Variants in ABL1 observed in about 807,000 individuals in gnomAD.
The protein encoded by ABL1 is ABL proto-oncogene 1, non-receptor tyrosine kinase, also known as tyrosine-protein kinase ABL1.
In ABL1, 11 loss-of-function variants were observed where a neutral mutation model predicts 94.7. The ratio of observed to expected loss-of-function variants is 0.12; its 90% CI spans 0.07 to 0.19. ABL1 has a LOEUF of 0.19. Among genes scored for constraint, ABL1 ranks in the 10% least tolerant of loss-of-function variants. ABL1 has a pLI of 1.00. For synonymous variants in ABL1, 656 were observed against 622.4 expected, an observed-to-expected ratio of 1.05 and a Z score of -0.80; for missense variants, 1,082 against 1,489.4, an observed-to-expected ratio of 0.73 and a Z score of 4.50.
Position 130,885,731 on chromosome 9 carries a change from C to G in ABL1, c.*48C>G, listed in dbSNP as rs1207638467. 1 of 1,567,414 alleles carries G rather than the reference C, an allele frequency of 6.4e-7. No homozygotes were observed. Among genetic ancestry groups the G allele is most frequent in the Non-Finnish European group, 8.6e-7 (1 of 1,156,620 alleles). ...AGGCCCGTCGGAGCTGCCTGCAGCA[C>G]ATGCGGGCTCGCCCATACCCGTGAC... On this transcript the variant is annotated 3_prime_UTR_variant, in exon 11 of 11. Coordinates refer to ENST00000318560, the MANE Select transcript of ABL1 (RefSeq NM_005157.6).
chr9:130,798,409 G>A (rs1281417850), intron 1 of ABL1, among the ~76,000 whole-genome samples: 3 of 152,148 alleles, frequency 2.0e-5, no homozygotes, highest in African/African-American at 4.8e-5. Flanking sequence ...ATTAAGTATC[G>A]CTTGCAGTGG....
At chr9:130,876,892 A>G (rs938229368) in intron 7 of ABL1, among the ~76,000 whole-genome samples, 1 of 146,452 alleles carries the variant, frequency 6.8e-6, no homozygotes, top group Admixed American at 6.8e-5. Flanking sequence ...GCCCGCCGCC[A>G]CACTCGGCCA....
At chr9:130,813,140 G>A (rs182066078) in intron 1 of ABL1, among the ~76,000 whole-genome samples, 24 of 152,130 alleles carry the variant, frequency 1.6e-4, no homozygotes, top group Non-Finnish European at 2.9e-4. Flanking sequence ...ACTTGAACCC[G>A]GGAGGCAGAG....
chr9:130,731,700 T>C (rs989824604), intron 1 of ABL1, among the ~76,000 whole-genome samples: 1 of 152,192 alleles, frequency 6.6e-6, no homozygotes, highest in African/African-American at 2.4e-5. Flanking sequence ...GAATAAGGCC[T>C]CCTGTTTTGT....
intron 1 of ABL1, among the ~76,000 whole-genome samples, chr9:130,754,598 G>A (rs188831637): frequency 4.6e-5 from 7 of 152,070 alleles, no homozygotes; most frequent in Non-Finnish European, 8.8e-5. Flanking sequence ...TAGGAGCTGC[G>A]GATGGAAGTC....
At chr9:130,818,682 A>G (rs896309338) in intron 1 of ABL1, among the ~76,000 whole-genome samples, 1 of 152,184 alleles carries the variant, frequency 6.6e-6, no homozygotes, top group African/African-American at 2.4e-5. Flanking sequence ...CTCGAGAGTC[A>G]TCATCTTGCA....
chr9:130,835,661 C>A lies in ABL1; in HGVS notation c.79+136C>A. The stretch of plus-strand genomic sequence containing the variant: ...CTTGTCTTTTTTTTCTTTCTTCCCT[C>A]TTCTCTTCTCTTCTCTTCAGTTCTC... On this transcript the variant is annotated intron_variant, in intron 1 of 10. Transcript: ENST00000318560. This position sits in a 1 kb window ranked among gnomAD's most constrained non-coding sequence, Gnocchi z 4.6. The A allele has an allele frequency of 1.6e-4, 2 of 12,318 alleles. No homozygotes were observed. The highest frequency in any genetic ancestry group is 3.2e-4 in the Non-Finnish European group (2 of 6,306). 0.8% of individuals were successfully genotyped at this position (12,318 alleles called of 1,614,324 possible).
At chr9:130,802,162 G>A (rs1830064404) in intron 1 of ABL1, among the ~76,000 whole-genome samples, 2 of 145,422 alleles carry the variant, frequency 1.4e-5, no homozygotes, top group Non-Finnish European at 3.0e-5. Context: ...GTGTGATCAC[G>A]ACTCACTGCA....
chr9:130,842,147 A>G (rs571023142), intron 1 of ABL1, among the ~76,000 whole-genome samples: 1 of 152,284 alleles, frequency 6.6e-6, no homozygotes, highest in South Asian at 2.1e-4. Flanking sequence ...AGTGAGAGCA[A>G]GAGAAGCGCA....
intron 1 of ABL1, among the ~76,000 whole-genome samples, chr9:130,798,453 C>G (rs1830009634): frequency 6.6e-6 from 1 of 152,166 alleles, no homozygotes; most frequent in Non-Finnish European, 1.5e-5. Flanking sequence ...GTTAATCTAA[C>G]TACTGAGATA....
Position 130,872,685 on chromosome 9 carries a change from A to G in ABL1, c.908-175A>G, listed in dbSNP as rs571346935. Among the ~76,000 whole-genome samples the G allele has an allele frequency of 1.3e-4, 20 of 152,336 alleles. No individual in the cohort carries two copies. The East Asian group carries it at 3.7e-3, about 28-fold the overall frequency. On this transcript the variant is annotated intron_variant, in intron 5 of 10. Coordinates refer to ENST00000318560, the MANE Select transcript of ABL1 (RefSeq NM_005157.6). This position sits in a 1 kb window ranked among gnomAD's most constrained non-coding sequence, Gnocchi z 5.0. ...TTGAGAAGAAGAAAAGAGCCTGGCCATGTCCCTCCCACACGAGCACAGTCT... is the reference window on the plus strand; with the variant it reads ...TTGAGAAGAAGAAAAGAGCCTGGCCGTGTCCCTCCCACACGAGCACAGTCT...
At chr9:130,810,551 A>G (rs183635370) in intron 1 of ABL1, among the ~76,000 whole-genome samples, 2 of 152,214 alleles carry the variant, frequency 1.3e-5, no homozygotes, top group East Asian at 1.9e-4. Flanking sequence ...CAGAATAAAC[A>G]TTGCACAAGT....
At chr9:130,874,801 C>A in intron 6 of ABL1, 67 bp from the exon 7 acceptor site, 1 of 1,518,664 alleles carries the variant, frequency 6.6e-7, no homozygotes, top group South Asian at 1.2e-5. Flanking sequence ...CTTTGCTCAG[C>A]AGTGGTGGAT....
At chr9:130,775,780 A>G (rs1227901367) in intron 1 of ABL1, among the ~76,000 whole-genome samples, 1 of 152,144 alleles carries the variant, frequency 6.6e-6, no homozygotes, top group Non-Finnish European at 1.5e-5. Context: ...ATATAAGGCC[A>G]ATAGAACACC....
At chr9:130,770,651 C>T (rs546808043) in intron 1 of ABL1, among the ~76,000 whole-genome samples, 1 of 152,332 alleles carries the variant, frequency 6.6e-6, no homozygotes, top group African/African-American at 2.4e-5. Context: ...TGTGCAGGCA[C>T]TGTTCTAAAT....
intron 1 of ABL1, among the ~76,000 whole-genome samples, chr9:130,744,873 A>C (rs1022622964): frequency 1.3e-5 from 2 of 150,816 alleles, no homozygotes; most frequent in African/African-American, 4.9e-5. Flanking sequence ...AAAAAAAAAA[A>C]CAAAACTATC....
intron 1 of ABL1, among the ~76,000 whole-genome samples, chr9:130,825,720 T>A (rs1830416652): frequency 6.6e-6 from 1 of 152,244 alleles, no homozygotes; most frequent in Admixed American, 6.5e-5. Context: ...GACAGAGACA[T>A]CTCATGAAAA....
chr9:130,766,154 C>T (rs1032615798), intron 1 of ABL1, among the ~76,000 whole-genome samples: 1 of 152,220 alleles, frequency 6.6e-6, no homozygotes, highest in Non-Finnish European at 1.5e-5. Context: ...TGCGTTGGTG[C>T]GCTCTCAAGA....
At chr9:130,776,231 T>C (rs1480640000) in intron 1 of ABL1, among the ~76,000 whole-genome samples, 2 of 152,250 alleles carry the variant, frequency 1.3e-5, no homozygotes, top group Non-Finnish European at 2.9e-5. Context: ...AGCTAAACTT[T>C]AGAGTCCTGA....
Sources: allele counts gnomAD v4.1 joint callset (sites outside exome capture counted in the v4.1 genomes callset), GRCh38; gene constraint gnomAD v4.1.1; non-coding constraint Gnocchi (gnomAD v3.1); transcripts MANE v1.5; gene names NCBI Gene and HGNC (gene_info 2026-07-23, HGNC 2026-07-21).